KCNIP4: variants seen among roughly 807,000 people sequenced by gnomAD.
KCNIP4 encodes the protein potassium voltage-gated channel interacting protein 4.
In KCNIP4, 12 loss-of-function variants were observed where a neutral mutation model predicts 34.0. The ratio of observed to expected loss-of-function variants is 0.35; its 90% CI spans 0.23 to 0.57. The LOEUF (loss-of-function observed/expected upper bound fraction) is 0.57, where lower values mean the gene tolerates loss of function less well. Among genes scored for constraint, KCNIP4 ranks in the 20% least tolerant of loss-of-function variants. KCNIP4 has a pLI of 0.83. For synonymous variants in KCNIP4, 124 were observed against 102.2 expected, an observed-to-expected ratio of 1.21 and a Z score of -1.29; for missense variants, 238 against 311.7, an observed-to-expected ratio of 0.76 and a Z score of 1.78.
At chr4:20,947,532 G>A (rs1169698082) in intron 1 of KCNIP4, among the ~76,000 whole-genome samples, 2 of 152,144 alleles carry the variant, frequency 1.3e-5, no homozygotes, top group East Asian at 1.9e-4. Flanking sequence ...GCTCCTTGAG[G>A]ACTTGAGCTG....
intron 1 of KCNIP4, among the ~76,000 whole-genome samples, chr4:21,561,077 A>C (rs1338196710): frequency 3.9e-5 from 6 of 152,074 alleles, no homozygotes; most frequent in Non-Finnish European, 5.9e-5. Context: ...GAAAAATAAT[A>C]GAGCTCATTA....
chr4:21,229,672 T>A (rs997117627), intron 1 of KCNIP4, among the ~76,000 whole-genome samples: 4 of 152,148 alleles, frequency 2.6e-5, no homozygotes, highest in Non-Finnish European at 5.9e-5. Context: ...CAGCCAGCAA[T>A]GCAGATGACC....
chr4:21,512,267 T>A (rs1387162359), intron 1 of KCNIP4, among the ~76,000 whole-genome samples: 1 of 152,202 alleles, frequency 6.6e-6, no homozygotes, highest in Non-Finnish European at 1.5e-5. Flanking sequence ...TATTTCAGTC[T>A]GCCTTTCTTA....
intron 1 of KCNIP4, 25 bp downstream of exon 1, chr4:21,948,546 C>T (rs1309368618): frequency 6.2e-7 from 1 of 1,607,376 alleles, no homozygotes; most frequent in Non-Finnish European, 8.5e-7. Context: ...AGCGGGCGCC[C>T]GCTCGCAAGC....
At chr4:21,357,943 G>C (rs972730746) in intron 1 of KCNIP4, among the ~76,000 whole-genome samples, 3 of 152,136 alleles carry the variant, frequency 2.0e-5, no homozygotes, top group Non-Finnish European at 4.4e-5. Context: ...TGATAGACTG[G>C]ATTAATAAAA....
intron 1 of KCNIP4, among the ~76,000 whole-genome samples, chr4:21,743,162 A>T (rs1479179960): frequency 6.6e-6 from 1 of 152,182 alleles, no homozygotes; most frequent in East Asian, 1.9e-4. Context: ...AAACAGCCTA[A>T]ACTTATTTTC....
At chr4:21,569,309 A>G (rs563890394) in intron 1 of KCNIP4, among the ~76,000 whole-genome samples, 2 of 148,948 alleles carry the variant, frequency 1.3e-5, no homozygotes, top group South Asian at 4.3e-4. Context: ...ATATTTCAAC[A>G]TAATAACACT....
intron 1 of KCNIP4, among the ~76,000 whole-genome samples, chr4:21,394,796 T>C (rs2109527988): frequency 6.6e-6 from 1 of 152,262 alleles, no homozygotes; most frequent in East Asian, 1.9e-4. Flanking sequence ...AAACTTCACT[T>C]TTAATTCAGG....
chr4:21,792,000 C>CAAAAAAAAAAAAAAAA (rs71193407), intron 1 of KCNIP4, among the ~76,000 whole-genome samples: 3 of 59,752 alleles, frequency 5.0e-5, no homozygotes, highest in African/African-American at 2.3e-4. Context: ...GACTCCGTCT[C>CAAAAAAAAAAAAAAAA]AAAAAAAAAA....
At chr4:21,535,348 C>T (rs1052874578) in intron 1 of KCNIP4, among the ~76,000 whole-genome samples, 10 of 152,218 alleles carry the variant, frequency 6.6e-5, no homozygotes, top group South Asian at 2.1e-4. Flanking sequence ...AAGGTATTTT[C>T]GACATATGTT....
chr4:21,147,784 C>T (rs1291467080), intron 1 of KCNIP4, among the ~76,000 whole-genome samples: 1 of 151,172 alleles, frequency 6.6e-6, no homozygotes, highest in South Asian at 2.1e-4. Context: ...ACTAAAAATA[C>T]AAAAATTAGC....
Position 21,447,665 on chromosome 4 carries a change from G to T in KCNIP4, c.61+500906C>A, listed in dbSNP as rs186588561. 4.3e-3 allele frequency among the ~76,000 whole-genome samples: 654 copies of T among 152,146 alleles called. 3 individuals are homozygous for T. The highest frequency in any genetic ancestry group is 6.7e-3 in the Non-Finnish European group (455 of 67,990). ...CAGTAAGATATTAACACCAATAATTGATAAAGTAGAACAATCATAATACAC... is the reference window on the plus strand; with the variant it reads ...CAGTAAGATATTAACACCAATAATTTATAAAGTAGAACAATCATAATACAC... On this transcript the variant is annotated intron_variant, in intron 1 of 8. Coordinates refer to ENST00000382152, the MANE Select transcript of KCNIP4 (RefSeq NM_025221.6).
chr4:20,911,369 A>C (rs1365122274), intron 1 of KCNIP4, among the ~76,000 whole-genome samples: 1 of 152,174 alleles, frequency 6.6e-6, no homozygotes, highest in Admixed American at 6.5e-5. Context: ...TTCATTATTT[A>C]AGAACCATGC....
intron 1 of KCNIP4, among the ~76,000 whole-genome samples, chr4:21,509,499 G>C (rs991969440): frequency 6.6e-6 from 1 of 152,112 alleles, no homozygotes; most frequent in Non-Finnish European, 1.5e-5. Flanking sequence ...CAGTGCTGTA[G>C]GCATTTGCTG....
At chr4:21,499,917 A>G (rs751225227) in intron 1 of KCNIP4, among the ~76,000 whole-genome samples, 13 of 152,170 alleles carry the variant, frequency 8.5e-5, no homozygotes, top group Admixed American at 2.0e-4. Flanking sequence ...ACACACTTAC[A>G]TATAAAAGAG....
At chr4:21,823,076 A>G (rs1228271794) in intron 1 of KCNIP4, among the ~76,000 whole-genome samples, 5 of 152,106 alleles carry the variant, frequency 3.3e-5, no homozygotes, top group African/African-American at 1.2e-4. Context: ...CCTGATTATA[A>G]TTATAATTAT....
chr4:21,673,089 C>T (rs909676527), intron 1 of KCNIP4, among the ~76,000 whole-genome samples: 11 of 152,144 alleles, frequency 7.2e-5, no homozygotes, highest in African/African-American at 2.4e-4. Flanking sequence ...ATCATGATTG[C>T]CATAGCCTGG....
At chr4:21,731,932 C>T (rs925542798) in intron 1 of KCNIP4, among the ~76,000 whole-genome samples, 1 of 151,938 alleles carries the variant, frequency 6.6e-6, no homozygotes, top group Non-Finnish European at 1.5e-5. Flanking sequence ...CAATGAGAAA[C>T]CTCAGAATTA....
rs187171833 is a variant in KCNIP4 at position 21,740,935 on chromosome 4, T to C, written c.61+207636A>G. 8.8e-3 allele frequency among the ~76,000 whole-genome samples: 1,332 copies of C among 152,002 alleles called. 19 individuals are homozygous for C. Among genetic ancestry groups the C allele is most frequent in the South Asian group, 0.039 (188 of 4,820 alleles). On this transcript the variant is annotated intron_variant, in intron 1 of 8. Transcript: ENST00000382152. ...TAAAGCAAACATTTTACTCAGAAAA[T>C]GTGCTGAATAAACACTGGTTGAAAA... is the stretch of plus-strand genomic sequence containing the variant.
Sources: allele counts gnomAD v4.1 joint callset (sites outside exome capture counted in the v4.1 genomes callset), GRCh38; gene constraint gnomAD v4.1.1; transcripts MANE v1.5; gene names NCBI Gene and HGNC (gene_info 2026-07-23, HGNC 2026-07-21).